Variants in CACNA1E observed in about 807,000 individuals in gnomAD.
CACNA1E encodes the protein voltage-dependent R-type calcium channel subunit alpha-1E.
In CACNA1E, 40 loss-of-function variants were observed where a neutral mutation model predicts 259.2. The ratio of observed to expected loss-of-function variants is 0.15; its 90% CI spans 0.12 to 0.20. The LOEUF (loss-of-function observed/expected upper bound fraction) is 0.20, where lower values mean the gene tolerates loss of function less well. CACNA1E is among the 10% of genes least tolerant of loss of function. The probability of loss-of-function intolerance (pLI) is 1.00; values close to 1 mark genes in which losing one functional copy is unlikely to be tolerated. For missense variants in CACNA1E, 1,874 were observed against 3,040.1 expected (o/e 0.62, Z 9.02); for synonymous variants, 1,104 against 1,138.5 (o/e 0.97, Z 0.61).
chr1:181,733,881 G>A, intron 21 of CACNA1E, 131 bp downstream of exon 21: 2 of 636,824 alleles, frequency 3.1e-6, no homozygotes, highest in South Asian at 7.8e-5. Context: ...AAAAATGAGT[G>A]GCGGTTTTCT....
chr1:181,719,938 A>C, intron 13 of CACNA1E, 75 bp downstream of exon 13: 1 of 894,858 alleles, frequency 1.1e-6, no homozygotes, highest in Non-Finnish European at 1.7e-6. Flanking sequence ...ATTTTCTTCC[A>C]TCTTCTCTTT....
chr1:181,334,448 C>G (rs188800166), intron 1 of CACNA1E, among the ~76,000 whole-genome samples: 2 of 152,212 alleles, frequency 1.3e-5, no homozygotes, highest in Non-Finnish European at 2.9e-5. Context: ...TGAGAGGTAT[C>G]CACATGGATG....
intron 2 of CACNA1E, among the ~76,000 whole-genome samples, chr1:181,439,938 G>C (rs1438974972): frequency 2.6e-5 from 4 of 152,184 alleles, no homozygotes; most frequent in Non-Finnish European, 5.9e-5. Context: ...TTTCCACCAA[G>C]ATGGCCAGAA....
chr1:181,352,821 G>A (rs1268255095), intron 1 of CACNA1E, among the ~76,000 whole-genome samples: 1 of 152,198 alleles, frequency 6.6e-6, no homozygotes, highest in Non-Finnish European at 1.5e-5. Context: ...CTCAGTGCAG[G>A]ACTCAGGTTG....
At chr1:181,706,150 C>A (rs1174200754) in intron 7 of CACNA1E, among the ~76,000 whole-genome samples, 5 of 152,012 alleles carry the variant, frequency 3.3e-5, no homozygotes, top group African/African-American at 1.2e-4. Context: ...GCCAGATTCC[C>A]CCTTTTACAT....
At position 181,784,665 on chromosome 1, in the gene CACNA1E, T is replaced by C; in HGVS notation, c.5475T>C (p.Gly1825=). 1 of 1,568,328 alleles carries C rather than the reference T, an allele frequency of 6.4e-7. No individual in the cohort carries two copies. The highest frequency in any genetic ancestry group is 8.7e-7 in the Non-Finnish European group (1 of 1,155,182). Residue 1825 remains glycine, a synonymous_variant, in exon 41 of 48, where the codon GGT becomes GGC. Coordinates refer to ENST00000367573, the MANE Select transcript of CACNA1E (RefSeq NM_001205293.3). Reference sequence around the variant, plus strand: ...TAGTAATTTATCTTATTCTAGGTGGTGCAGACAGGCAGCAGCTAGACTCAG... The same window carrying C: ...TAGTAATTTATCTTATTCTAGGTGGCGCAGACAGGCAGCAGCTAGACTCAG... ...TALDIKIAKG[G]ADRQQLDSEL...
At chr1:181,739,949 G>A (rs1454782713) in intron 25 of CACNA1E, among the ~76,000 whole-genome samples, 1 of 152,144 alleles carries the variant, frequency 6.6e-6, no homozygotes, top group Non-Finnish European at 1.5e-5. Flanking sequence ...GACATTTCCT[G>A]TGGAATCTAG....
In CACNA1E at chr1:181,576,887, C is replaced by G. The variant is rs16857711; in HGVS notation, c.513-879C>G. On this transcript the variant is annotated intron_variant, in intron 3 of 47. Coordinates refer to ENST00000367573, the MANE Select transcript of CACNA1E (RefSeq NM_001205293.3). ...TATTTTTATAACTAGACCACGATAC[C>G]CCCTTATTTTAGAGATGACAGAAGT... Among the ~76,000 whole-genome samples the G allele has an allele frequency of 4.9e-3, 742 of 152,112 alleles. 11 individuals are homozygous for G. Among genetic ancestry groups the G allele is most frequent in the East Asian group, 0.044 (227 of 5,172 alleles).
intron 6 of CACNA1E, among the ~76,000 whole-genome samples, chr1:181,634,607 T>C (rs748266547): frequency 6.6e-6 from 1 of 152,222 alleles, no homozygotes; most frequent in Non-Finnish European, 1.5e-5. Context: ...TTGCTTATCT[T>C]GATGTCCTCC....
At chr1:181,427,353 C>A (rs1309773709) in intron 2 of CACNA1E, among the ~76,000 whole-genome samples, 10 of 150,324 alleles carry the variant, frequency 6.7e-5, no homozygotes, top group Non-Finnish European at 1.2e-4. Flanking sequence ...AATTCCACCG[C>A]CATCTCAACT....
intron 18 of CACNA1E, 105 bp from the exon 19 acceptor site, chr1:181,731,070 C>G: frequency 1.2e-6 from 1 of 827,000 alleles, no homozygotes; most frequent in Non-Finnish European, 2.1e-6. Flanking sequence ...ACCTGATGGC[C>G]ACACAGAGGA....
intron 3 of CACNA1E, among the ~76,000 whole-genome samples, chr1:181,516,344 C>CAA (rs1491478738): frequency 3.7e-4 from 1 of 2,694 alleles, no homozygotes; most frequent in Non-Finnish European, 1.4e-3. Flanking sequence ...TGCCAAAGAC[C>CAA]ACACACACAC....
intron 6 of CACNA1E, among the ~76,000 whole-genome samples, chr1:181,647,712 A>G (rs1280194081): frequency 6.6e-6 from 1 of 152,170 alleles, no homozygotes; most frequent in Non-Finnish European, 1.5e-5. Context: ...TGAAGCCCCA[A>G]CTGGCATCAG....
At chr1:181,477,484 T>G (rs1311683897) in intron 2 of CACNA1E, among the ~76,000 whole-genome samples, 2 of 152,248 alleles carry the variant, frequency 1.3e-5, no homozygotes, top group Non-Finnish European at 2.9e-5. Context: ...TTAATGAGTA[T>G]TTGTTAAATG....
At chr1:181,673,954 G>A (rs1027409314) in intron 7 of CACNA1E, among the ~76,000 whole-genome samples, 3 of 151,992 alleles carry the variant, frequency 2.0e-5, no homozygotes, top group East Asian at 3.9e-4. Flanking sequence ...CCATGTTCCC[G>A]TTATTATTGT....
intron 6 of CACNA1E, among the ~76,000 whole-genome samples, chr1:181,602,896 A>G (rs1181835165): frequency 6.6e-6 from 1 of 152,204 alleles, no homozygotes; most frequent in Non-Finnish European, 1.5e-5. Flanking sequence ...CACAAGATCC[A>G]TACTTACGCA....
intron 37 of CACNA1E, among the ~76,000 whole-genome samples, chr1:181,775,755 C>T (rs77247631): frequency 1.2e-3 from 188 of 152,326 alleles, no homozygotes; most frequent in African/African-American, 4.4e-3. Context: ...CCAGAACCAT[C>T]GTGTTCATTT....
At position 181,764,784 on chromosome 1, in the gene CACNA1E, C is replaced by CT. The variant is rs201508868; in HGVS notation, c.4815+1263dup. 4.9e-3 allele frequency among the ~76,000 whole-genome samples: 726 copies of CT among 148,418 alleles called. 7 individuals are homozygous for CT. Among genetic ancestry groups the CT allele is most frequent in the African/African-American group, 0.017 (680 of 40,564 alleles). ...TGGAAACACAACATGCTTTTAAAAC[C>CT]TTTTTTTTTTAGAGGATTGCCCAAC... On this transcript the variant is annotated intron_variant, in intron 34 of 47. Coordinates refer to ENST00000367573, the MANE Select transcript of CACNA1E (RefSeq NM_001205293.3).
At chr1:181,762,954 CA>C (rs1343668706) in intron 33 of CACNA1E, among the ~76,000 whole-genome samples, 1 of 152,188 alleles carries the variant, frequency 6.6e-6, no homozygotes, top group Non-Finnish European at 1.5e-5. Flanking sequence ...ACTAGAGTCT[CA>C]AAGGAGGCAC....
Sources: allele counts gnomAD v4.1 joint callset (sites outside exome capture counted in the v4.1 genomes callset), GRCh38; gene constraint gnomAD v4.1.1; transcripts MANE v1.5; gene names NCBI Gene and HGNC (gene_info 2026-07-23, HGNC 2026-07-21).